PFKP: variants seen among roughly 807,000 people sequenced by gnomAD.
The protein encoded by PFKP is ATP-dependent 6-phosphofructokinase, platelet type.
Under a neutral mutation model 94.3 loss-of-function variants are expected in PFKP, and 101 were observed. That is an observed-to-expected ratio of 1.07 (90% confidence interval 0.91 to 1.26). The LOEUF (loss-of-function observed/expected upper bound fraction) is 1.26, where lower values mean the gene tolerates loss of function less well. Ranked by LOEUF, PFKP falls within the 50% of genes most tolerant of loss-of-function variation. PFKP has a pLI of 0.00. For missense variants in PFKP, 1,145 were observed against 1,103.3 expected, an observed-to-expected ratio of 1.04 and a Z score of -0.53; for synonymous variants, 573 against 432.6, an observed-to-expected ratio of 1.32 and a Z score of -4.03.
chr10:3,114,305 A>G (rs1836574560), intron 13 of PFKP, among the ~76,000 whole-genome samples: 2 of 152,006 alleles, frequency 1.3e-5, no homozygotes, highest in Admixed American at 1.3e-4. Flanking sequence ...ACGCGCCACC[A>G]CGCCCAGCTC....
intron 19 of PFKP, among the ~76,000 whole-genome samples, chr10:3,134,120 T>A (rs753233930): frequency 1.3e-5 from 2 of 152,296 alleles, no homozygotes; most frequent in South Asian, 2.1e-4. Context: ...GCAATGATGA[T>A]GAAATAGTAG....
intron 16 of PFKP, among the ~76,000 whole-genome samples, chr10:3,120,408 A>C (rs986123144): frequency 6.7e-5 from 10 of 148,990 alleles, no homozygotes; most frequent in African/African-American, 2.5e-4. Flanking sequence ...TGCTGAGCCT[A>C]AATTTTCTTT....
Position 3,134,560 on chromosome 10 carries a change from A to T in PFKP, c.2100A>T (p.Lys700Asn), listed in dbSNP as rs928121435. 2.4e-5 allele frequency: 38 copies of T among 1,613,394 alleles called. No homozygotes were observed. Among genetic ancestry groups the T allele is most frequent in the Non-Finnish European group, 3.2e-5 (38 of 1,179,490 alleles). The change falls in exon 20 of 22, where the codon AAA becomes AAT. Residue 700 changes from lysine to asparagine, a missense_variant. Lys to Asn is a moderately conservative substitution (Grantham distance 94). Around this residue, in one of 3 missense-constraint regions of PFKP, gnomAD observed 1,119 missense variants for 1,062.8 expected, o/e 1.05. Coordinates refer to ENST00000381125, the MANE Select transcript of PFKP (RefSeq NM_002627.5). ...SARAMEWITA[K>N]LKEARGRGKK... is the part of the protein sequence containing the mutation. ...GAGCTATGGAGTGGATCACTGCAAA[A>T]CTCAAGGAGGCCCGGGGCAGAGGTA...
chr10:3,090,746 C>T lies in PFKP; in HGVS notation c.186+8285C>T, dbSNP rs114590178. ...GATGTCCTTACAGTATCTCCAACAT[C>T]GGCGAACGTCCTATGGGGGGAAAAT... On this transcript the variant is annotated intron_variant, in intron 2 of 21. Coordinates refer to ENST00000381125, the MANE Select transcript of PFKP (RefSeq NM_002627.5). Among the ~76,000 whole-genome samples, 1,383 of 152,188 alleles carry T rather than the reference C, an allele frequency of 9.1e-3. 23 individuals are homozygous for T. The highest frequency in any genetic ancestry group is 0.031 in the African/African-American group (1,270 of 41,498).
At chr10:3,113,654 A>ATGACTACTTATTTAAGGCAAG (rs6143744) in intron 13 of PFKP, 136 bp downstream of exon 13, 434,129 of 676,886 alleles carry the variant, frequency 0.64, 147,398 homozygotes, top group East Asian at 0.82. Context: ...TTGTGACTGA[A>ATGACTACTTATTTAAGGCAAG]GCATTGCTTC....
rs1290292036 is a variant in PFKP at position 3,125,895 on chromosome 10, CCTCA to C, written c.1684-3919_1684-3916del. Reference sequence around the variant, plus strand: ...CACAGGCCTTTGCTGCAGAGACGGTCCTCACTCAGCTGCAGACAGGACGGTGGCC... The same window carrying C: ...CACAGGCCTTTGCTGCAGAGACGGTCCTCAGCTGCAGACAGGACGGTGGCC... On this transcript the variant is annotated intron_variant, in intron 16 of 21. Transcript: ENST00000381125. Among the ~76,000 whole-genome samples, 16 of 152,302 alleles carry C rather than the reference CCTCA, an allele frequency of 1.1e-4. No homozygotes were observed. The Middle Eastern group carries it at 0.01, about 97-fold the overall frequency.
intron 16 of PFKP, chr10:3,124,987 C>T (rs904742220): frequency 1.7e-5 from 15 of 896,374 alleles, no homozygotes; most frequent in Non-Finnish European, 2.0e-5. Context: ...GAACCGGCTT[C>T]CCCTGGTGAC....
chr10:3,102,206 C>G lies in PFKP; in HGVS notation c.454+652C>G, dbSNP rs542182882. Among the ~76,000 whole-genome samples the G allele has an allele frequency of 3.7e-3, 492 of 133,766 alleles. 3 individuals carry two copies. Among genetic ancestry groups the G allele is most frequent in the African/African-American group, 0.012 (451 of 36,366 alleles). The allele number at this position is 133,766 out of a possible 152,430, so 87.8% of individuals were successfully genotyped here. ...GCGGAGCTTGCAGTGAGCCGAGGTC[C>G]CGCCACTGCACTCCAGCCTGGGCGA... On this transcript the variant is annotated intron_variant, in intron 4 of 21. Coordinates refer to ENST00000381125, the MANE Select transcript of PFKP (RefSeq NM_002627.5).
intron 1 of PFKP, chr10:3,069,352 C>G (rs1427710951): frequency 6.3e-7 from 1 of 1,588,322 alleles, no homozygotes; most frequent in Admixed American, 1.8e-5. Flanking sequence ...TGGAAATAGC[C>G]TGGCCCGCGT....
intron 16 of PFKP, among the ~76,000 whole-genome samples, chr10:3,120,717 T>C (rs939993321): frequency 4.6e-5 from 7 of 152,170 alleles, no homozygotes; most frequent in Admixed American, 1.3e-4. Context: ...TTGAGTGCGG[T>C]GGTGTGATCT....
chr10:3,133,233 C>G lies in PFKP; in HGVS notation c.1941C>G (p.Thr647=). 2 of 1,613,936 alleles carry G rather than the reference C, an allele frequency of 1.2e-6. No homozygotes were observed. The highest frequency in any genetic ancestry group is 1.7e-6 in the Non-Finnish European group (2 of 1,179,866). ...RNESCSENYT[T]DFIYQLYSEE... ...AGAGCTGCAGTGAAAACTACACCAC[C>G]GACTTCATTTACCAGCTGTATTCAG... is the stretch of plus-strand genomic sequence containing the variant. The change falls in exon 19 of 22, where the codon ACC becomes ACG. Residue 647 remains threonine, a synonymous_variant. Coordinates refer to ENST00000381125, the MANE Select transcript of PFKP (RefSeq NM_002627.5).
rs1202316819 is a variant in PFKP at position 3,109,379 on chromosome 10, G to C, written c.988G>C (p.Val330Leu). 1.2e-6 allele frequency: 2 copies of C among 1,610,438 alleles called. No individual in the cohort carries two copies. Among genetic ancestry groups the C allele is most frequent in the Non-Finnish European group, 1.7e-6 (2 of 1,180,020 alleles). Residue 330 changes from valine (V) to leucine (L), a missense_variant, in exon 10 of 22, where the codon GTC (valine) becomes CTC (leucine). Transcript: ENST00000381125. ...GGCCAGCCGCATGGGAGTGGAGGCA[G>C]TCATCGCCTTGCTAGAGGCCACCCC... ...ILASRMGVEA[V>L]IALLEATPDT...
chr10:3,105,007 A>C, intron 5 of PFKP, 108 bp from the exon 6 acceptor site: 1 of 1,074,596 alleles, frequency 9.3e-7, no homozygotes, highest in Non-Finnish European at 1.4e-6. Flanking sequence ...CTCGGCTGTC[A>C]AAGCCCCTTT....
chr10:3,121,280 T>C (rs1837371708), intron 16 of PFKP, among the ~76,000 whole-genome samples: 1 of 152,238 alleles, frequency 6.6e-6, no homozygotes, highest in Admixed American at 6.5e-5. Flanking sequence ...GTGGTGGGTG[T>C]CACGGCTTTG....
Position 3,136,466 on chromosome 10 carries a change from G to C in PFKP, c.2242G>C (p.Glu748Gln). 2 of 1,613,606 alleles carry C rather than the reference G, an allele frequency of 1.2e-6. No individual in the cohort carries two copies. Among genetic ancestry groups the C allele is most frequent in the Non-Finnish European group, 1.7e-6 (2 of 1,179,700 alleles). ...QTDFEHRIPK[E>Q]QWWLKLRPLM... ...CCTCCACAGGCACAGGATTCCCAAA[G>C]AACAGTGGTGGCTCAAGCTACGGCC... The change falls in exon 22 of 22, where the codon GAA becomes CAA. Residue 748 changes from glutamate (E) to glutamine (Q), a missense_variant. Physicochemically the swap from Glu to Gln is conservative, Grantham distance 29. Around this residue, in one of 3 missense-constraint regions of PFKP, gnomAD observed 1,119 missense variants for 1,062.8 expected, o/e 1.05. Coordinates refer to ENST00000381125, the MANE Select transcript of PFKP (RefSeq NM_002627.5).
intron 1 of PFKP, among the ~76,000 whole-genome samples, chr10:3,072,034 C>A (rs1297226655): frequency 6.6e-6 from 1 of 152,212 alleles, no homozygotes; most frequent in Non-Finnish European, 1.5e-5. Flanking sequence ...TTTCCCGCGC[C>A]CAGCACCATG....
At chr10:3,121,506 G>A (rs1001667537) in intron 16 of PFKP, among the ~76,000 whole-genome samples, 15 of 152,024 alleles carry the variant, frequency 9.9e-5, no homozygotes, top group African/African-American at 3.6e-4. Context: ...GAGGGAACGG[G>A]TGGAGAATTT....
At chr10:3,106,489 A>G (rs1336265296) in intron 7 of PFKP, among the ~76,000 whole-genome samples, 3 of 151,084 alleles carry the variant, frequency 2.0e-5, no homozygotes, top group Non-Finnish European at 4.4e-5. Flanking sequence ...AGCACCCTCC[A>G]CCTGGGGCTG....
At chr10:3,107,377 G>A (rs764488534) in intron 8 of PFKP, 68 bp downstream of exon 8, 1 of 929,486 alleles carries the variant, frequency 1.1e-6, no homozygotes, top group South Asian at 1.3e-5. Context: ...AGCGTCATGG[G>A]CAGGCTTGGT....
Sources: gnomAD v4.1 joint callset for allele counts (sites outside exome capture counted in the v4.1 genomes callset) on GRCh38, gnomAD v4.1.1 for gene constraint, gnomAD v4.1.1 regional missense constraint, MANE v1.5 for transcripts, NCBI Gene and HGNC (gene_info 2026-07-23, HGNC 2026-07-21) for gene names.